CLASP1: variants seen among roughly 807,000 people sequenced by gnomAD.
CLASP1 encodes the protein CLIP-associating protein 1.
Under a neutral mutation model 192.3 loss-of-function variants are expected in CLASP1, and 38 were observed. The observed-to-expected ratio is 0.20, with a 90% CI of 0.15 to 0.26. CLASP1 has a LOEUF of 0.26. Ranked by LOEUF, CLASP1 falls within the 10% of genes least tolerant of loss-of-function variation. CLASP1 has a pLI of 1.00. For missense variants in CLASP1, 1,433 were observed against 1,932.5 expected (o/e 0.74, Z 4.85); for synonymous variants, 691 against 712.8 (o/e 0.97, Z 0.49).
intron 6 of CLASP1, among the ~76,000 whole-genome samples, chr2:121,525,516 C>G (rs2094554703): frequency 6.6e-6 from 1 of 152,154 alleles, no homozygotes; most frequent in Non-Finnish European, 1.5e-5. Flanking sequence ...CGGCACCACC[C>G]CTTTTGGCTG....
chr2:121,625,402 T>C (rs2106156679), intron 1 of CLASP1, among the ~76,000 whole-genome samples: 1 of 151,380 alleles, frequency 6.6e-6, no homozygotes, highest in African/African-American at 2.4e-5. Flanking sequence ...GCATATATGC[T>C]AGCTTGAGAG....
In CLASP1 at chr2:121,458,801, C is replaced by T. The variant is rs371964158; in HGVS notation, c.1314+39G>A. On this transcript the variant is annotated intron_variant, in intron 13 of 39. Transcript: ENST00000263710. ...AATATTTATCAACCATCAGTATTTA[C>T]CACTTGCTTATTTCAAGCATGGCCT... 3.4e-6 allele frequency: 5 copies of T among 1,472,332 alleles called. No individual in the cohort carries two copies. The African/African-American group carries it at 7.2e-5, about 21-fold the overall frequency. The allele number at this position is 1,472,332 out of a possible 1,614,324, so 91.2% of individuals were successfully genotyped here.
chr2:121,642,627 G>C (rs1160094339), intron 1 of CLASP1, among the ~76,000 whole-genome samples: 1 of 152,124 alleles, frequency 6.6e-6, no homozygotes, highest in Non-Finnish European at 1.5e-5. Context: ...AGCTACATGG[G>C]AGGCTGAGGC....
chr2:121,643,096 G>A (rs552507825), intron 1 of CLASP1, among the ~76,000 whole-genome samples: 2 of 152,312 alleles, frequency 1.3e-5, no homozygotes, highest in South Asian at 4.1e-4. Flanking sequence ...AATGAAGACA[G>A]GCTCACCTAA....
intron 2 of CLASP1, among the ~76,000 whole-genome samples, chr2:121,539,779 T>C (rs1045679478): frequency 6.6e-6 from 1 of 152,204 alleles, no homozygotes; most frequent in African/African-American, 2.4e-5. Flanking sequence ...AAGCAACTGA[T>C]AGGCAAGCCA....
chr2:121,350,286 G>A (rs1415965120), intron 37 of CLASP1, among the ~76,000 whole-genome samples: 1 of 152,224 alleles, frequency 6.6e-6, no homozygotes, highest in Non-Finnish European at 1.5e-5. Context: ...AGCAAGACAG[G>A]CCCATGGAAA....
At position 121,470,293 on chromosome 2, in the gene CLASP1, C is replaced by CTTTTTTT. The variant is rs70954550; in HGVS notation, c.713-340_713-334dup. On this transcript the variant is annotated intron_variant, in intron 8 of 39. Transcript: ENST00000263710. Reference sequence around the variant, plus strand: ...TCTGCAACATTTCTGACCATCCATGCTTTTTTTTTTTTTTTTTTTTTTTTT... The same window carrying CTTTTTTT: ...TCTGCAACATTTCTGACCATCCATGCTTTTTTTTTTTTTTTTTTTTTTTTTTTTTTTT... 309 of 309,018 alleles carry CTTTTTTT rather than the reference C, an allele frequency of 1.0e-3. 21 individuals carry two copies. The highest frequency in any genetic ancestry group is 2.6e-3 in the Middle Eastern group (2 of 762). The allele number at this position is 309,018 out of a possible 1,614,324, so 19.1% of individuals were successfully genotyped here.
At chr2:121,472,302 C>T (rs144134721) in intron 8 of CLASP1, among the ~76,000 whole-genome samples, 194 of 152,274 alleles carry the variant, frequency 1.3e-3, no homozygotes, top group African/African-American at 1.7e-3. Context: ...ATAGACTAGA[C>T]GTGGATGACT....
intron 23 of CLASP1, among the ~76,000 whole-genome samples, chr2:121,411,819 G>A (rs2077748152): frequency 6.6e-6 from 1 of 152,136 alleles, no homozygotes; most frequent in Non-Finnish European, 1.5e-5. Context: ...ACTATACTAG[G>A]AGAAAGGCAG....
At chr2:121,562,588 A>G (rs1033898973) in intron 2 of CLASP1, among the ~76,000 whole-genome samples, 3 of 152,224 alleles carry the variant, frequency 2.0e-5, no homozygotes, top group African/African-American at 7.2e-5. Flanking sequence ...GCTCTTCTGA[A>G]CATTTTCAGA....
intron 6 of CLASP1, among the ~76,000 whole-genome samples, chr2:121,522,269 C>A (rs968338404): frequency 1.3e-5 from 2 of 152,142 alleles, no homozygotes; most frequent in African/African-American, 4.8e-5. Flanking sequence ...CTGAAAGCTG[C>A]CCGTAGAGTA....
intron 21 of CLASP1, 69 bp downstream of exon 21, chr2:121,427,335 G>T: frequency 6.5e-7 from 1 of 1,546,494 alleles, no homozygotes; most frequent in East Asian, 2.3e-5. Context: ...TATTGTGCAA[G>T]GAACATGGGG....
At chr2:121,435,950 C>A (rs534059550) in intron 19 of CLASP1, among the ~76,000 whole-genome samples, 1 of 152,208 alleles carries the variant, frequency 6.6e-6, no homozygotes, top group Admixed American at 6.5e-5. Flanking sequence ...TCCCTGTTTT[C>A]TTTGCAGTTA....
At chr2:121,340,561 C>T (rs2062678191) in exon 40 of CLASP1, 1 of 288,696 alleles carries the variant, frequency 3.5e-6, no homozygotes, top group Non-Finnish European at 6.4e-6. Context: ...TTTTTAAAAA[C>T]TGCACCCCAC....
Position 121,559,031 on chromosome 2 carries a change from C to T in CLASP1, c.196-28706G>A, listed in dbSNP as rs889685412. Among the ~76,000 whole-genome samples, 12 of 152,340 alleles carry T rather than the reference C, an allele frequency of 7.9e-5. No homozygotes were observed. In the Middle Eastern group the frequency reaches 0.01, roughly 130 times the overall value. ...GCACAGAGTACCTGAAAGCCATCCC[C>T]TGTCTGAATTCACACAGAAAACTTT... On this transcript the variant is annotated intron_variant, in intron 2 of 39. Coordinates refer to ENST00000263710, the Ensembl canonical transcript of CLASP1.
intron 6 of CLASP1, among the ~76,000 whole-genome samples, chr2:121,524,098 C>A (rs944620909): frequency 2.6e-5 from 4 of 152,008 alleles, no homozygotes; most frequent in African/African-American, 7.3e-5. Flanking sequence ...CCCTCCACCG[C>A]CCACCCCAGG....
chr2:121,523,140 A>G (rs964444568), intron 6 of CLASP1, among the ~76,000 whole-genome samples: 13 of 152,248 alleles, frequency 8.5e-5, no homozygotes, highest in African/African-American at 3.1e-4. Context: ...GCAGGGATCT[A>G]TGCCTTTAAC....
chr2:121,637,728 A>T (rs1416643711), intron 1 of CLASP1, among the ~76,000 whole-genome samples: 1 of 152,108 alleles, frequency 6.6e-6, no homozygotes, highest in East Asian at 1.9e-4. Flanking sequence ...TCTATGAAAA[A>T]TACAAAAATT....
chr2:121,564,722 G>C (rs1418239050), intron 2 of CLASP1, among the ~76,000 whole-genome samples: 1 of 152,220 alleles, frequency 6.6e-6, no homozygotes, highest in African/African-American at 2.4e-5. Context: ...ACAACTCAGA[G>C]AAGTGAGGCA....
Sources: allele counts gnomAD v4.1 joint callset (sites outside exome capture counted in the v4.1 genomes callset), GRCh38; gene constraint gnomAD v4.1.1; transcripts MANE v1.5; gene names NCBI Gene and HGNC (gene_info 2026-07-23, HGNC 2026-07-21).